The following SERGEF variants were observed in gnomAD, a reference collection of about 807,000 sequenced individuals.
SERGEF encodes secretion-regulating guanine nucleotide exchange factor.
A neutral mutation model predicts 50.0 loss-of-function variants in SERGEF; 51 were observed. The ratio of observed to expected loss-of-function variants is 1.02; its 90% confidence interval spans 0.81 to 1.29. The LOEUF (loss-of-function observed/expected upper bound fraction) is 1.29, where lower values mean the gene tolerates loss of function less well. Ranked by LOEUF, SERGEF falls within the 50% of genes most tolerant of loss-of-function variation. The pLI is 0.00. For synonymous variants in SERGEF, 205 were observed against 212.4 expected (o/e 0.97, Z 0.30); for missense variants, 521 against 557.0 (o/e 0.94, Z 0.65).
At chr11:17,960,144 T>C (rs1852967734) in intron 8 of SERGEF, among the ~76,000 whole-genome samples, 1 of 151,984 alleles carries the variant, frequency 6.6e-6, no homozygotes, top group Non-Finnish European at 1.5e-5. Flanking sequence ...CCTTGTAACA[T>C]AAAGGGACCT....
chr11:17,916,170 C>T (rs1852045163), intron 9 of SERGEF, among the ~76,000 whole-genome samples: 2 of 152,120 alleles, frequency 1.3e-5, no homozygotes, highest in Admixed American at 6.5e-5. Flanking sequence ...AAAAGTTATA[C>T]AGTTGGCATG....
rs1351618603 is a variant in SERGEF, at chr11:17,973,694, T to C, written c.845-14058A>G. On this transcript the variant is annotated intron_variant, in intron 8 of 10. Transcript: ENST00000265965. ...CCAGGTTCTTCAAGAGAGATTAGTA[T>C]AAAAGACCTACAGGGGTCCTAATAG... 2.6e-5 allele frequency among the ~76,000 whole-genome samples: 4 copies of C among 152,106 alleles called. 1 individual carries two copies.
At chr11:17,824,300 CAAA>C (rs34840327) in intron 10 of SERGEF, among the ~76,000 whole-genome samples, 17 of 139,516 alleles carry the variant, frequency 1.2e-4, no homozygotes, top group East Asian at 4.2e-4. Context: ...GACACCGTCT[CAAA>C]AAAAAAAAAA....
At chr11:17,795,195 G>A (rs180856831) in intron 10 of SERGEF, among the ~76,000 whole-genome samples, 1 of 152,316 alleles carries the variant, frequency 6.6e-6, no homozygotes, top group Non-Finnish European at 1.5e-5. Context: ...CAGGAAGGAT[G>A]GGGCGGGCCT....
At chr11:17,992,789 G>T (rs1853744503) in intron 7 of SERGEF, 142 bp downstream of exon 7, 1 of 683,570 alleles carries the variant, frequency 1.5e-6, no homozygotes, top group Non-Finnish European at 2.5e-6. Flanking sequence ...AAAGTAATTT[G>T]CCTAAGAGCA....
At chr11:17,937,876 T>G (rs1293996002) in intron 9 of SERGEF, among the ~76,000 whole-genome samples, 1 of 152,084 alleles carries the variant, frequency 6.6e-6, no homozygotes, top group African/African-American at 2.4e-5. Flanking sequence ...CTGTGAAATA[T>G]CTCTACCCAC....
intron 9 of SERGEF, among the ~76,000 whole-genome samples, chr11:17,918,268 G>GT (rs972677447): frequency 6.6e-6 from 1 of 152,162 alleles, no homozygotes; most frequent in Non-Finnish European, 1.5e-5. Flanking sequence ...CTCCAAAAAT[G>GT]TTTTTCTAAG....
At chr11:17,896,963 C>T (rs1275625887) in intron 9 of SERGEF, among the ~76,000 whole-genome samples, 1 of 149,906 alleles carries the variant, frequency 6.7e-6, no homozygotes, top group Non-Finnish European at 1.5e-5. Context: ...CAAAGTACAC[C>T]TTAATATTAG....
chr11:17,870,457 G>C (rs1170576878), intron 10 of SERGEF, among the ~76,000 whole-genome samples: 1 of 152,174 alleles, frequency 6.6e-6, no homozygotes, highest in African/African-American at 2.4e-5. Flanking sequence ...AAGGAATATA[G>C]GTAGCCTTTA....
chr11:17,790,992 T>C (rs1849475593), intron 10 of SERGEF, among the ~76,000 whole-genome samples: 1 of 152,232 alleles, frequency 6.6e-6, no homozygotes, highest in Non-Finnish European at 1.5e-5. Context: ...TCTTTGTGTA[T>C]TATTTTGTTT....
intron 10 of SERGEF, among the ~76,000 whole-genome samples, chr11:17,875,134 C>A (rs1851217263): frequency 6.6e-6 from 1 of 152,140 alleles, no homozygotes; most frequent in African/African-American, 2.4e-5. Flanking sequence ...GCAATCTGTC[C>A]CCAGTGCCTG....
At chr11:17,804,173 A>G (rs1434205427) in intron 10 of SERGEF, among the ~76,000 whole-genome samples, 1 of 152,220 alleles carries the variant, frequency 6.6e-6, no homozygotes, top group Non-Finnish European at 1.5e-5. Context: ...CTGGTAAACA[A>G]TCAGAGTCCT....
chr11:17,941,423 G>A (rs1467312290), intron 9 of SERGEF, among the ~76,000 whole-genome samples: 5 of 152,074 alleles, frequency 3.3e-5, no homozygotes, highest in African/African-American at 1.2e-4. Flanking sequence ...CTTATCTTAA[G>A]GTCCTCAAGG....
intron 9 of SERGEF, among the ~76,000 whole-genome samples, chr11:17,892,776 A>C (rs1444591957): frequency 6.6e-6 from 1 of 152,212 alleles, no homozygotes; most frequent in African/African-American, 2.4e-5. Context: ...GCTGTGAAGG[A>C]GAACACACAC....
chr11:17,792,217 T>C (rs553995046), intron 10 of SERGEF, among the ~76,000 whole-genome samples: 1 of 152,360 alleles, frequency 6.6e-6, no homozygotes, highest in Admixed American at 6.5e-5. Context: ...TGTCTGCCTG[T>C]TTGGCCCACA....
intron 10 of SERGEF, among the ~76,000 whole-genome samples, chr11:17,836,774 A>T (rs572220259): frequency 1.3e-5 from 2 of 152,206 alleles, no homozygotes; most frequent in African/African-American, 4.8e-5. Flanking sequence ...ACTTTCCCTT[A>T]CTTCCCCTAT....
chr11:17,896,005 A>C (rs118092876), intron 9 of SERGEF, among the ~76,000 whole-genome samples: 6,513 of 152,284 alleles, frequency 0.043, 217 homozygotes, highest in Non-Finnish European at 0.067. Flanking sequence ...GGGTACCTAC[A>C]TTACTTTCAA....
chr11:17,856,995 G>C (rs1850833112), intron 10 of SERGEF, among the ~76,000 whole-genome samples: 2 of 152,204 alleles, frequency 1.3e-5, no homozygotes, highest in African/African-American at 4.8e-5. Flanking sequence ...CATAGCACTG[G>C]TTTGGTACAA....
rs374275128 is a variant in SERGEF at position 17,837,606 on chromosome 11, G to A, written c.1048+40602C>T. Among the ~76,000 whole-genome samples, 12 of 150,704 alleles carry A rather than the reference G, an allele frequency of 8.0e-5. 1 individual carries two copies. The South Asian group carries it at 1.5e-3, about 19-fold the overall frequency. On this transcript the variant is annotated intron_variant, in intron 10 of 10. Transcript: ENST00000265965. ...CCTCACCATAAACCAAGCAGAAGCC[G>A]GCGCCATGCTTCTTATACAGCCTGC...
Sources: allele counts gnomAD v4.1 joint callset (sites outside exome capture counted in the v4.1 genomes callset), GRCh38; gene constraint gnomAD v4.1.1; transcripts MANE v1.5; gene names NCBI Gene and HGNC (gene_info 2026-07-23, HGNC 2026-07-21).